The following ST6GALNAC3 variants were observed in gnomAD, a reference collection of about 807,000 sequenced individuals.
The protein encoded by ST6GALNAC3 is ST6 N-acetylgalactosaminide alpha-2,6-sialyltransferase 3.
A neutral mutation model predicts 32.7 loss-of-function variants in ST6GALNAC3; 25 were observed. That is an observed-to-expected ratio of 0.76 (90% CI 0.56 to 1.07). The LOEUF is 1.07. ST6GALNAC3 is among the 50% of genes least tolerant of loss of function. The pLI is 0.00. For synonymous variants in ST6GALNAC3, 129 were observed against 133.1 expected (o/e 0.97, Z 0.21); for missense variants, 355 against 382.4 (o/e 0.93, Z 0.60).
chr1:76,163,730 A>G (rs943403384), intron 1 of ST6GALNAC3, among the ~76,000 whole-genome samples: 1 of 152,202 alleles, frequency 6.6e-6, no homozygotes, highest in African/African-American at 2.4e-5. Flanking sequence ...TACAACTTTT[A>G]CATTTTAGGA....
At chr1:76,607,173 C>T (rs1269953240) in intron 3 of ST6GALNAC3, among the ~76,000 whole-genome samples, 1 of 152,172 alleles carries the variant, frequency 6.6e-6, no homozygotes. Context: ...AACTCAGGAA[C>T]AGCCAAATGG....
In ST6GALNAC3 at chr1:76,533,409, T is replaced by C. The variant is rs373166586; in HGVS notation, c.624-94043T>C. Among the ~76,000 whole-genome samples, 4 of 152,266 alleles carry C rather than the reference T, an allele frequency of 2.6e-5. No individual in the cohort carries two copies. The South Asian group carries it at 8.3e-4, about 32-fold the overall frequency. ...TCCACAGTGTGGGTTCCCAGATACT[T>C]TGCCTTTTGGGTCCTTCTTTCTGAG... On this transcript the variant is annotated intron_variant, in intron 3 of 4. Transcript: ENST00000328299.
chr1:76,447,866 T>G (rs578262161), intron 3 of ST6GALNAC3, among the ~76,000 whole-genome samples: 1 of 152,282 alleles, frequency 6.6e-6, no homozygotes, highest in African/African-American at 2.4e-5. Context: ...AAAAGTTTGC[T>G]GCAGGGGTGG....
intron 3 of ST6GALNAC3, among the ~76,000 whole-genome samples, chr1:76,486,483 CTTCT>C (rs1468148302): frequency 6.6e-6 from 1 of 152,208 alleles, no homozygotes; most frequent in Non-Finnish European, 1.5e-5. Flanking sequence ...ATGTAATGGC[CTTCT>C]TTGTCTCTTT....
intron 1 of ST6GALNAC3, among the ~76,000 whole-genome samples, chr1:76,209,228 G>A (rs1655003506): frequency 6.6e-6 from 1 of 152,208 alleles, no homozygotes; most frequent in African/African-American, 2.4e-5. Context: ...TCTACCCGGA[G>A]TCCATTGCAC....
At chr1:76,175,468 T>G (rs1224594674) in intron 1 of ST6GALNAC3, among the ~76,000 whole-genome samples, 1 of 152,168 alleles carries the variant, frequency 6.6e-6, no homozygotes, top group Non-Finnish European at 1.5e-5. Context: ...TTTATCCATA[T>G]TTTGGTTTTA....
chr1:76,415,414 C>T (rs559866609), intron 3 of ST6GALNAC3, among the ~76,000 whole-genome samples: 3 of 151,790 alleles, frequency 2.0e-5, no homozygotes, highest in Admixed American at 6.6e-5. Context: ...AGAAACCAAT[C>T]CTGTTCTCCT....
At chr1:76,230,181 T>G (rs17098419) in intron 1 of ST6GALNAC3, among the ~76,000 whole-genome samples, 12,889 of 152,204 alleles carry the variant, frequency 0.085, 1,426 homozygotes, top group African/African-American at 0.26. Flanking sequence ...CAATGACATT[T>G]CAGCAGTGAC....
chr1:76,329,763 A>G (rs1647151469), intron 2 of ST6GALNAC3, among the ~76,000 whole-genome samples: 1 of 151,856 alleles, frequency 6.6e-6, no homozygotes, highest in Admixed American at 6.6e-5. Flanking sequence ...TGTGGCTTTG[A>G]TTATATTCTC....
At chr1:76,609,841 C>T (rs1647805424) in intron 3 of ST6GALNAC3, among the ~76,000 whole-genome samples, 3 of 152,192 alleles carry the variant, frequency 2.0e-5, no homozygotes, top group Admixed American at 2.0e-4. Context: ...ATCTAACACA[C>T]TTGAGAAGTG....
chr1:76,517,405 T>C (rs1662239223), intron 3 of ST6GALNAC3, among the ~76,000 whole-genome samples: 1 of 151,866 alleles, frequency 6.6e-6, no homozygotes, highest in Non-Finnish European at 1.5e-5. Flanking sequence ...GTCAAGCTGA[T>C]TTTTAAAATT....
chr1:76,122,762 G>A (rs952095895), intron 1 of ST6GALNAC3, among the ~76,000 whole-genome samples: 7 of 152,194 alleles, frequency 4.6e-5, no homozygotes, highest in African/African-American at 1.7e-4. Flanking sequence ...TGTGTGAGCT[G>A]CAAAAGGGGT....
intron 2 of ST6GALNAC3, among the ~76,000 whole-genome samples, chr1:76,404,049 C>T (rs573138318): frequency 3.3e-5 from 5 of 151,980 alleles, no homozygotes; most frequent in East Asian, 3.9e-4. Context: ...ATATGGCAAC[C>T]GAGAAACATA....
intron 1 of ST6GALNAC3, among the ~76,000 whole-genome samples, chr1:76,270,397 C>T (rs192064979): frequency 6.6e-6 from 1 of 150,618 alleles, no homozygotes; most frequent in African/African-American, 2.4e-5. Context: ...ATCCCAGCTA[C>T]TCAGGACGCT....
intron 3 of ST6GALNAC3, among the ~76,000 whole-genome samples, chr1:76,469,072 T>A (rs1346518754): frequency 1.3e-5 from 2 of 152,090 alleles, no homozygotes; most frequent in Non-Finnish European, 2.9e-5. Flanking sequence ...AAAATAATGT[T>A]ATTTGTGCAG....
intron 2 of ST6GALNAC3, among the ~76,000 whole-genome samples, chr1:76,401,214 T>C (rs1033082886): frequency 2.6e-5 from 4 of 152,150 alleles, no homozygotes; most frequent in Non-Finnish European, 5.9e-5. Flanking sequence ...ATCTTATTTT[T>C]TTAAATCTCA....
intron 3 of ST6GALNAC3, among the ~76,000 whole-genome samples, chr1:76,579,706 C>A (rs1017130261): frequency 5.3e-5 from 8 of 152,012 alleles, no homozygotes; most frequent in Admixed American, 1.3e-4. Flanking sequence ...CTAGTTTTTG[C>A]TGATTGCATC....
chr1:76,578,921 T>C (rs1646851456), intron 3 of ST6GALNAC3, among the ~76,000 whole-genome samples: 1 of 152,046 alleles, frequency 6.6e-6, no homozygotes, highest in East Asian at 1.9e-4. Context: ...AATTTGTGTG[T>C]GGGTGGACAT....
At chr1:76,455,412 C>T (rs755418910) in intron 3 of ST6GALNAC3, among the ~76,000 whole-genome samples, 2 of 152,140 alleles carry the variant, frequency 1.3e-5, no homozygotes, top group African/African-American at 2.4e-5. Context: ...TTCACTGTAG[C>T]TTGGTCTTGC....
Sources: allele counts gnomAD v4.1 joint callset (sites outside exome capture counted in the v4.1 genomes callset), GRCh38; gene constraint gnomAD v4.1.1; transcripts MANE v1.5; gene names NCBI Gene and HGNC (gene_info 2026-07-23, HGNC 2026-07-21).